RELN: variants seen among roughly 807,000 people sequenced by gnomAD.
RELN encodes the protein reelin.
RELN carries 108 observed loss-of-function variants against 427.6 expected under a neutral mutation model. The ratio of observed to expected loss-of-function variants is 0.25; its 90% CI spans 0.22 to 0.30. RELN has a LOEUF of 0.30. Ranked by LOEUF, RELN falls within the 10% of genes least tolerant of loss-of-function variation. RELN has a pLI of 1.00. For missense variants in RELN, 3,715 were observed against 4,302.8 expected, an observed-to-expected ratio of 0.86 and a Z score of 3.82; for synonymous variants, 1,524 against 1,513.4, an observed-to-expected ratio of 1.01 and a Z score of -0.16.
chr7:103,945,003 A>G (rs1485417244), intron 1 of RELN, among the ~76,000 whole-genome samples: 1 of 152,106 alleles, frequency 6.6e-6, no homozygotes, highest in Non-Finnish European at 1.5e-5. Context: ...CAAACAAAAA[A>G]AACACCTACG....
Position 103,539,139 on chromosome 7 carries a change from A to C in RELN, c.7119T>G (p.Asn2373Lys), listed in dbSNP as rs1830120492. The C allele has an allele frequency of 6.2e-7, 1 of 1,614,204 alleles. No individual in the cohort carries two copies. Among genetic ancestry groups the C allele is most frequent in the Non-Finnish European group, 8.5e-7 (1 of 1,180,040 alleles). Residue 2373 changes from asparagine to lysine, a missense_variant, in exon 45 of 65, where the codon AAT becomes AAG. Coordinates refer to ENST00000428762, the MANE Select transcript of RELN (RefSeq NM_005045.4). ...RYVVSTDVAV[N>K]EDSFLQIDFA... ...AGTCTATCTGTAGGAAGGAATCCTC[A>C]TTCACGGCAACGTCTGTGCTGACCA...
chr7:103,560,323 C>G (rs1830615408), intron 36 of RELN, among the ~76,000 whole-genome samples: 1 of 152,122 alleles, frequency 6.6e-6, no homozygotes, highest in Non-Finnish European at 1.5e-5. Flanking sequence ...GTCAAACTGC[C>G]ACCTACTGAA....
chr7:103,560,614 A>C (rs1265803199), intron 36 of RELN, among the ~76,000 whole-genome samples: 3 of 152,220 alleles, frequency 2.0e-5, no homozygotes, highest in Non-Finnish European at 2.9e-5. Context: ...GAGAACTAAC[A>C]TCTTAGATAA....
intron 2 of RELN, among the ~76,000 whole-genome samples, chr7:103,852,787 A>C (rs1793856211): frequency 6.6e-6 from 1 of 152,062 alleles, no homozygotes; most frequent in South Asian, 2.1e-4. Flanking sequence ...CAATTATTTC[A>C]AGAACTTTAT....
chr7:103,649,655 G>C (rs1832871645), intron 16 of RELN, among the ~76,000 whole-genome samples: 1 of 151,948 alleles, frequency 6.6e-6, no homozygotes, highest in Admixed American at 6.6e-5. Context: ...TGCAACCCAA[G>C]AGCTTAAAAT....
In RELN at chr7:103,810,225, G is replaced by A. The variant is rs535276922; in HGVS notation, c.473+23312C>T. On this transcript the variant is annotated intron_variant, in intron 3 of 64. Transcript: ENST00000428762. ...TCCCTTCTGCTGACATGCCCGGGGC[G>A]TCTTCTGCTTTCATGCGTGCATTTA... 4.5e-4 allele frequency among the ~76,000 whole-genome samples: 69 copies of A among 152,146 alleles called. 1 individual carries two copies. The South Asian group carries it at 9.6e-3, about 21-fold the overall frequency.
chr7:103,760,052 T>C (rs886367743), intron 4 of RELN, among the ~76,000 whole-genome samples: 2 of 145,438 alleles, frequency 1.4e-5, no homozygotes, highest in Non-Finnish European at 3.0e-5. Context: ...TTTGAATTAC[T>C]GCATTCAATT....
intron 2 of RELN, among the ~76,000 whole-genome samples, chr7:103,879,231 T>C (rs1371749095): frequency 2.0e-5 from 3 of 152,184 alleles, no homozygotes; most frequent in Non-Finnish European, 1.5e-5. Context: ...ACAGATTATA[T>C]CTCTTTCAAA....
chr7:103,621,672 T>C (rs1179482655), intron 20 of RELN, among the ~76,000 whole-genome samples: 1 of 152,104 alleles, frequency 6.6e-6, no homozygotes, highest in Admixed American at 6.6e-5. Flanking sequence ...CCCACATGGC[T>C]CAACCAAGGC....
chr7:103,684,919 G>A (rs1031561907), intron 10 of RELN, among the ~76,000 whole-genome samples: 14 of 152,108 alleles, frequency 9.2e-5, no homozygotes, highest in African/African-American at 3.4e-4. Flanking sequence ...CATCAGAATA[G>A]TCATTAAAAT....
chr7:103,797,765 C>G (rs1159070287), intron 3 of RELN, among the ~76,000 whole-genome samples: 4 of 152,034 alleles, frequency 2.6e-5, no homozygotes, highest in Non-Finnish European at 5.9e-5. Flanking sequence ...GCATGAAAAT[C>G]CGGGGCATGT....
intron 1 of RELN, among the ~76,000 whole-genome samples, chr7:103,946,418 T>C (rs942360971): frequency 2.0e-4 from 30 of 152,324 alleles, no homozygotes; most frequent in African/African-American, 7.0e-4. Context: ...AATTAGTATT[T>C]ACCTAAAATA....
At chr7:103,884,144 T>C (rs1794671715) in intron 2 of RELN, among the ~76,000 whole-genome samples, 1 of 152,192 alleles carries the variant, frequency 6.6e-6, no homozygotes, top group African/African-American at 2.4e-5. Flanking sequence ...TACAACCATC[T>C]GATCTTTGAC....
intron 2 of RELN, among the ~76,000 whole-genome samples, chr7:103,865,192 C>T (rs966252569): frequency 4.2e-5 from 6 of 144,272 alleles, no homozygotes; most frequent in Non-Finnish European, 6.1e-5. Flanking sequence ...CAAGCTACCA[C>T]GATTGAATCA....
chr7:103,748,341 A>G (rs683390), intron 6 of RELN, among the ~76,000 whole-genome samples: 75,374 of 151,378 alleles, frequency 0.5, 18,863 homozygotes, highest in Non-Finnish European at 0.54. Flanking sequence ...TTCTTTCTAG[A>G]AAAGAAATAA....
At chr7:103,729,731 G>C (rs1790305784) in intron 6 of RELN, among the ~76,000 whole-genome samples, 1 of 152,024 alleles carries the variant, frequency 6.6e-6, no homozygotes, top group Admixed American at 6.6e-5. Flanking sequence ...TGAAATATTT[G>C]TTGAATGAAT....
chr7:103,963,877 A>AAAGGGC (rs1796611055), intron 1 of RELN, among the ~76,000 whole-genome samples: 1 of 152,208 alleles, frequency 6.6e-6, no homozygotes, highest in Non-Finnish European at 1.5e-5. Context: ...AATAACTAAC[A>AAAGGGC]AAGGGCTGGA....
At chr7:103,917,717 T>A (rs966298548) in intron 1 of RELN, among the ~76,000 whole-genome samples, 1 of 152,118 alleles carries the variant, frequency 6.6e-6, no homozygotes, top group Non-Finnish European at 1.5e-5. Context: ...ACAGCCAGAC[T>A]TTTTCCTCTC....
chr7:103,726,229 T>G lies in RELN; in HGVS notation c.753+1882A>C, dbSNP rs915268334. Among the ~76,000 whole-genome samples, 13 of 152,306 alleles carry G rather than the reference T, an allele frequency of 8.5e-5. No individual in the cohort carries two copies. The East Asian group carries it at 2.3e-3, about 27-fold the overall frequency. On this transcript the variant is annotated intron_variant, in intron 7 of 64. Transcript: ENST00000428762. Reference sequence around the variant, plus strand: ...AAACACAACTTGGGTACAATGTATATTTTTGCTTCAGGAACACCAATACAG... The same window carrying G: ...AAACACAACTTGGGTACAATGTATAGTTTTGCTTCAGGAACACCAATACAG...
Sources: gnomAD v4.1 joint callset for allele counts (sites outside exome capture counted in the v4.1 genomes callset) on GRCh38, gnomAD v4.1.1 for gene constraint, MANE v1.5 for transcripts, NCBI Gene and HGNC (gene_info 2026-07-23, HGNC 2026-07-21) for gene names.